The following UNC13B variants were observed in gnomAD, a reference collection of about 807,000 sequenced individuals.
The protein encoded by UNC13B is protein unc-13 homolog B.
A neutral mutation model predicts 211.0 loss-of-function variants in UNC13B; 144 were observed. The ratio of observed to expected loss-of-function variants is 0.68; its 90% CI spans 0.60 to 0.78. The LOEUF is 0.78. Among genes scored for constraint, UNC13B ranks in the 30% least tolerant of loss-of-function variants. The pLI is 0.00. For synonymous variants in UNC13B, 709 were observed against 725.8 expected, an observed-to-expected ratio of 0.98 and a Z score of 0.37; for missense variants, 1,777 against 2,002.0, an observed-to-expected ratio of 0.89 and a Z score of 2.14.
intron 7 of UNC13B, among the ~76,000 whole-genome samples, chr9:35,263,696 A>G (rs1827407217): frequency 6.6e-6 from 1 of 152,154 alleles, no homozygotes; most frequent in African/African-American, 2.4e-5. Flanking sequence ...TGAAGCCTCA[A>G]CACTCAATAT....
At chr9:35,251,526 A>G (rs1826489785) in intron 6 of UNC13B, among the ~76,000 whole-genome samples, 3 of 152,086 alleles carry the variant, frequency 2.0e-5, no homozygotes, top group Non-Finnish European at 2.9e-5. Context: ...GGCAGAGGCT[A>G]CAGTGAGCCG....
chr9:35,353,008 C>T lies in UNC13B; in HGVS notation c.9415-13939C>T, dbSNP rs538378523. 8.6e-5 allele frequency: 106 copies of T among 1,232,122 alleles called. No individual in the cohort carries two copies. The East Asian group carries it at 2.4e-3, about 27-fold the overall frequency. The allele number at this position is 1,232,122 out of a possible 1,614,324, so 76.3% of individuals were successfully genotyped here. A position where few individuals can be genotyped will look rare whatever the true frequency, so the allele number is the denominator to read the frequency against. The stretch of plus-strand genomic sequence containing the variant: ...ACGCAGAGGACAAGCTCCTGGGCTG[C>T]GAAGCTGGGCTCGATATTCTGAGCT... On this transcript the variant is annotated intron_variant, in intron 11 of 39. Transcript: ENST00000635942.
chr9:35,244,392 T>C (rs543830624), intron 6 of UNC13B, among the ~76,000 whole-genome samples: 1 of 152,286 alleles, frequency 6.6e-6, no homozygotes, highest in African/African-American at 2.4e-5. Context: ...ACTGTATTTG[T>C]TTCCTACAGC....
chr9:35,353,830 A>G (rs1327965467), intron 11 of UNC13B: 4 of 1,227,862 alleles, frequency 3.3e-6, no homozygotes, highest in Non-Finnish European at 4.1e-6. Flanking sequence ...GTCACTATTT[A>G]ACAGGGTCCC....
At chr9:35,173,154 G>GATA (rs1821423336) in intron 1 of UNC13B, among the ~76,000 whole-genome samples, 1 of 152,184 alleles carries the variant, frequency 6.6e-6, no homozygotes, top group African/African-American at 2.4e-5. Context: ...ACAGTGGGAA[G>GATA]ATAATTGCTT....
chr9:35,338,037 G>T (rs1319700252), intron 11 of UNC13B, among the ~76,000 whole-genome samples: 2 of 152,020 alleles, frequency 1.3e-5, no homozygotes, highest in Non-Finnish European at 2.9e-5. Flanking sequence ...CTTGGGCTGG[G>T]ATATATATAT....
At chr9:35,210,811 A>G (rs1450290534) in intron 1 of UNC13B, among the ~76,000 whole-genome samples, 1 of 152,220 alleles carries the variant, frequency 6.6e-6, no homozygotes, top group Non-Finnish European at 1.5e-5. Flanking sequence ...GGTGTGAGCC[A>G]CTGCATCTGG....
intron 11 of UNC13B, chr9:35,351,947 G>A: frequency 1.6e-6 from 2 of 1,232,218 alleles, no homozygotes; most frequent in Non-Finnish European, 2.0e-6. Flanking sequence ...ACCTTTGGGG[G>A]ATGTAGTAGA....
intron 13 of UNC13B, 50 bp downstream of exon 13, chr9:35,370,446 C>A: frequency 6.4e-7 from 1 of 1,560,558 alleles, no homozygotes. Context: ...GGGGTATCCC[C>A]CATTGGGCCT....
chr9:35,196,783 T>C (rs1056428230), intron 1 of UNC13B, among the ~76,000 whole-genome samples: 1 of 152,214 alleles, frequency 6.6e-6, no homozygotes, highest in Non-Finnish European at 1.5e-5. Context: ...TTTATTTTCT[T>C]TTTTTGAGGC....
At chr9:35,250,735 C>G (rs1261552419) in intron 6 of UNC13B, among the ~76,000 whole-genome samples, 1 of 152,074 alleles carries the variant, frequency 6.6e-6, no homozygotes, top group Non-Finnish European at 1.5e-5. Flanking sequence ...GACTGCCAGC[C>G]TATTTTCCAA....
At chr9:35,209,764 C>A (rs1823866317) in intron 1 of UNC13B, among the ~76,000 whole-genome samples, 1 of 152,166 alleles carries the variant, frequency 6.6e-6, no homozygotes, top group African/African-American at 2.4e-5. Context: ...CCTTCTTTTC[C>A]CTACATCATT....
intron 11 of UNC13B, chr9:35,353,260 G>A (rs914829138): frequency 2.4e-6 from 3 of 1,232,204 alleles, no homozygotes; most frequent in Non-Finnish European, 3.0e-6. Flanking sequence ...TGGAAATCAA[G>A]TTTTATACAA....
intron 1 of UNC13B, among the ~76,000 whole-genome samples, chr9:35,180,791 T>C (rs752570977): frequency 6.6e-6 from 1 of 152,106 alleles, no homozygotes; most frequent in Non-Finnish European, 1.5e-5. Context: ...TGACCAGCGT[T>C]AGGGGAAAAA....
intron 1 of UNC13B, among the ~76,000 whole-genome samples, chr9:35,177,037 G>A (rs796232867): frequency 1.3e-5 from 2 of 152,242 alleles, no homozygotes; most frequent in African/African-American, 4.8e-5. Flanking sequence ...TGATCCACCC[G>A]CCTCGGCCTC....
intron 1 of UNC13B, among the ~76,000 whole-genome samples, chr9:35,188,432 A>G (rs924060589): frequency 6.6e-6 from 1 of 152,238 alleles, no homozygotes; most frequent in Non-Finnish European, 1.5e-5. Flanking sequence ...ATACTTAGAC[A>G]TTAGAATTTT....
chr9:35,374,406 C>G (rs918728052), intron 13 of UNC13B, among the ~76,000 whole-genome samples: 10 of 111,976 alleles, frequency 8.9e-5, no homozygotes, highest in African/African-American at 3.9e-4. Context: ...TCAGACTTAA[C>G]TCTCTGGGCT....
chr9:35,386,128 A>G (rs754124835), intron 23 of UNC13B, 37 bp from the exon 24 acceptor site: 23 of 1,613,358 alleles, frequency 1.4e-5, no homozygotes, highest in Non-Finnish European at 1.9e-5. Flanking sequence ...CCAGGTGAGC[A>G]GGTCCTTGGG....
At chr9:35,334,974 G>A (rs1587643951) in intron 11 of UNC13B, among the ~76,000 whole-genome samples, 1 of 152,174 alleles carries the variant, frequency 6.6e-6, no homozygotes, top group East Asian at 1.9e-4. Flanking sequence ...GGAGGTGGAG[G>A]TTGCAGTGAG....
Sources: gnomAD v4.1 joint callset for allele counts (sites outside exome capture counted in the v4.1 genomes callset) on GRCh38, gnomAD v4.1.1 for gene constraint, MANE v1.5 for transcripts, NCBI Gene and HGNC (gene_info 2026-07-23, HGNC 2026-07-21) for gene names.